The following KIAA1217 variants were observed in gnomAD, a reference collection of about 807,000 sequenced individuals.
The protein encoded by KIAA1217 is sickle tail protein homolog.
KIAA1217 carries 88 observed loss-of-function variants against 163.9 expected under a neutral mutation model. That is an observed-to-expected ratio of 0.54 (90% CI 0.45 to 0.64). The LOEUF is 0.64. Ranked by LOEUF, KIAA1217 falls within the 30% of genes least tolerant of loss-of-function variation. The pLI is 0.00. For missense variants in KIAA1217, 2,372 were observed against 2,475.0 expected (o/e 0.96, Z 0.88); for synonymous variants, 903 against 923.1 (o/e 0.98, Z 0.39).
chr10:23,917,076 C>G (rs1322566251), intron 1 of KIAA1217, among the ~76,000 whole-genome samples: 1 of 151,030 alleles, frequency 6.6e-6, no homozygotes, highest in Admixed American at 6.6e-5. Flanking sequence ...ATAATATACA[C>G]ATATCAGTTG....
At chr10:24,135,625 C>A (rs902601837) in intron 2 of KIAA1217, among the ~76,000 whole-genome samples, 3 of 151,984 alleles carry the variant, frequency 2.0e-5, no homozygotes, top group Non-Finnish European at 2.9e-5. Context: ...CCTGACATAT[C>A]GGTCCATGCA....
intron 10 of KIAA1217, among the ~76,000 whole-genome samples, chr10:24,514,766 G>A (rs1257549077): frequency 1.3e-5 from 2 of 152,068 alleles, no homozygotes; most frequent in Non-Finnish European, 2.9e-5. Context: ...GAGGCAGCCA[G>A]ATCACCTGAG....
rs760107700 is a variant in KIAA1217 at position 24,536,846 on chromosome 10, G to A, written c.3487G>A (p.Val1163Ile). ...TGAGCCATCCCGGGCTGACAGTCACGTTAAAGACACTAGGTCGGGCGCCAC... is the reference window on the plus strand; with the variant it reads ...TGAGCCATCCCGGGCTGACAGTCACATTAAAGACACTAGGTCGGGCGCCAC... The part of the protein sequence containing the change: ...HAEPSRADSH[V>I]KDTRSGATVP... The change falls in exon 17 of 21, where the codon GTT becomes ATT. Residue 1163 changes from valine to isoleucine, a missense_variant. Val to Ile is a conservative substitution (Grantham distance 29). Around this residue, in one of 3 missense-constraint regions of KIAA1217, gnomAD observed 251 missense variants for 327.3 expected, o/e 0.77. Coordinates refer to ENST00000376454, the MANE Select transcript of KIAA1217 (RefSeq NM_019590.5). The A allele has an allele frequency of 5.5e-5, 89 of 1,613,942 alleles. No individual in the cohort carries two copies. Among genetic ancestry groups the A allele is most frequent in the Middle Eastern group, 1.6e-4 (1 of 6,084 alleles).
chr10:24,346,615 G>GGCTGAAGT (rs1390240712), intron 2 of KIAA1217, among the ~76,000 whole-genome samples: 16 of 121,716 alleles, frequency 1.3e-4, no homozygotes, highest in Admixed American at 4.1e-4. Context: ...TCTGTCACCA[G>GGCTGAAGT]GCTGAAGTGC....
intron 1 of KIAA1217, among the ~76,000 whole-genome samples, chr10:23,824,643 AAAAAAAATAAAAAAAAT>A (rs1174800594): frequency 1.2e-4 from 11 of 93,048 alleles, no homozygotes; most frequent in South Asian, 1.1e-3. Context: ...AAAAAAAAAA[AAAAAAAATAAAAAAAAT>A]ATATATATAT....
chr10:23,712,033 C>T (rs886372417), intron 1 of KIAA1217, among the ~76,000 whole-genome samples: 1 of 152,112 alleles, frequency 6.6e-6, no homozygotes, highest in African/African-American at 2.4e-5. Flanking sequence ...ATGACCTTCA[C>T]CTTCCAAATC....
intron 2 of KIAA1217, chr10:24,367,168 G>T (rs973672481): frequency 2.4e-5 from 24 of 985,492 alleles, no homozygotes; most frequent in Non-Finnish European, 2.9e-5. Flanking sequence ...GACATTCAAA[G>T]GTACTTGATG....
intron 1 of KIAA1217, among the ~76,000 whole-genome samples, chr10:23,767,180 G>A (rs759853856): frequency 2.6e-5 from 4 of 152,204 alleles, no homozygotes; most frequent in Non-Finnish European, 4.4e-5. Flanking sequence ...CTATGAATAC[G>A]TATAAAGTGC....
chr10:24,133,433 A>G (rs2063726012), intron 2 of KIAA1217, among the ~76,000 whole-genome samples: 1 of 151,972 alleles, frequency 6.6e-6, no homozygotes, highest in Non-Finnish European at 1.5e-5. Context: ...TTAGCCAAGC[A>G]GAGTTGAGTG....
intron 4 of KIAA1217, among the ~76,000 whole-genome samples, chr10:24,437,831 C>T (rs1308608301): frequency 8.6e-6 from 1 of 115,646 alleles, no homozygotes. Context: ...GATATTAGAT[C>T]TTTTTGGTAC....
chr10:24,500,414 G>A lies in KIAA1217; in HGVS notation c.1835-965G>A, dbSNP rs183598812. Among the ~76,000 whole-genome samples the A allele has an allele frequency of 8.5e-4, 129 of 151,978 alleles. 1 individual carries two copies. The highest frequency in any genetic ancestry group is 6.9e-3 in the Admixed American group (106 of 15,266). On this transcript the variant is annotated intron_variant, in intron 8 of 20. Coordinates refer to ENST00000376454, the MANE Select transcript of KIAA1217 (RefSeq NM_019590.5). The stretch of plus-strand genomic sequence containing the variant: ...AGTGTGTGCGTGTGTGTGTGTGTGT[G>A]TGTGTGTCTTTATTAGTAACATGGA...
At chr10:24,425,406 T>A (rs12411459) in intron 3 of KIAA1217, among the ~76,000 whole-genome samples, 12,946 of 152,242 alleles carry the variant, frequency 0.085, 574 homozygotes, top group African/African-American at 0.11. Flanking sequence ...TTATTCTTGT[T>A]CTTAAAGAGG....
intron 1 of KIAA1217, among the ~76,000 whole-genome samples, chr10:23,892,019 T>G (rs1429914342): frequency 2.6e-5 from 4 of 151,952 alleles, no homozygotes; most frequent in Admixed American, 6.6e-5. Context: ...TCTCTAAAAT[T>G]TATAACTAAT....
At chr10:24,292,925 GCAGA>G (rs1307235233) in intron 2 of KIAA1217, among the ~76,000 whole-genome samples, 1 of 152,100 alleles carries the variant, frequency 6.6e-6, no homozygotes, top group Non-Finnish European at 1.5e-5. Flanking sequence ...CTGGAAATAC[GCAGA>G]CATCTAGTAC....
chr10:24,506,361 A>G (rs1454547077), intron 9 of KIAA1217, among the ~76,000 whole-genome samples: 4 of 152,254 alleles, frequency 2.6e-5, no homozygotes, highest in Non-Finnish European at 5.9e-5. Flanking sequence ...TAAGAAATCA[A>G]AATTGAGTAT....
intron 2 of KIAA1217, among the ~76,000 whole-genome samples, chr10:24,232,935 CAAAAAAA>C (rs908492411): frequency 7.1e-5 from 4 of 56,306 alleles, no homozygotes; most frequent in African/African-American, 1.5e-4. Flanking sequence ...CTTATCTCTA[CAAAAAAA>C]AAAAAAAAAA....
chr10:23,787,831 C>T (rs1425803219), intron 1 of KIAA1217, among the ~76,000 whole-genome samples: 1 of 151,516 alleles, frequency 6.6e-6, no homozygotes, highest in African/African-American at 2.4e-5. Context: ...TTTTTTAGGA[C>T]AGAAATTTGT....
In KIAA1217 at chr10:24,196,575, A is replaced by G. The variant is rs151324364; in HGVS notation, c.-170-23051A>G. 1.4e-3 allele frequency among the ~76,000 whole-genome samples: 207 copies of G among 152,358 alleles called. 1 individual carries two copies. The highest frequency in any genetic ancestry group is 4.7e-3 in the African/African-American group (196 of 41,598). ...ATTCAGGAAAAAGTTTACACCTTGA[A>G]GAGGGCAAGGCTGACGTTCATATGC... is the stretch of plus-strand genomic sequence containing the variant. On this transcript the variant is annotated intron_variant, in intron 2 of 18. Coordinates refer to the KIAA1217 transcript ENST00000376462.
At chr10:24,476,240 C>T (rs1295674537) in intron 6 of KIAA1217, among the ~76,000 whole-genome samples, 1 of 152,212 alleles carries the variant, frequency 6.6e-6, no homozygotes, top group Admixed American at 6.5e-5. Flanking sequence ...ACCACGCACA[C>T]ACAACTTAAT....
Sources: gnomAD v4.1 joint callset for allele counts (sites outside exome capture counted in the v4.1 genomes callset) on GRCh38, gnomAD v4.1.1 for gene constraint, gnomAD v4.1.1 regional missense constraint, MANE v1.5 for transcripts, NCBI Gene and HGNC (gene_info 2026-07-23, HGNC 2026-07-21) for gene names.